The following B3GAT2 variants were observed in gnomAD, a reference collection of about 807,000 sequenced individuals.
B3GAT2 encodes beta-1,3-glucuronyltransferase 2, also known as galactosylgalactosylxylosylprotein 3-beta-glucuronosyltransferase 2.
B3GAT2 carries 26 observed loss-of-function variants against 27.8 expected under a neutral mutation model. That is an observed-to-expected ratio of 0.93 (90% CI 0.68 to 1.30). B3GAT2 has a LOEUF of 1.30. Ranked by LOEUF, B3GAT2 falls within the 50% of genes most tolerant of loss-of-function variation. The pLI, the probability that B3GAT2 is intolerant of heterozygous loss-of-function variation, is 0.00. For missense variants in B3GAT2, 458 were observed against 459.0 expected (o/e 1.00, Z 0.02); for synonymous variants, 218 against 195.1 (o/e 1.12, Z -0.98).
At chr6:70,940,923 T>G (rs1229814491) in intron 1 of B3GAT2, among the ~76,000 whole-genome samples, 1 of 152,088 alleles carries the variant, frequency 6.6e-6, no homozygotes, top group African/African-American at 2.4e-5. Flanking sequence ...CTTCCTAGCT[T>G]TCACCGTTAG....
At chr6:70,865,951 C>A (rs1187189975) in intron 2 of B3GAT2, among the ~76,000 whole-genome samples, 2 of 152,192 alleles carry the variant, frequency 1.3e-5, no homozygotes, top group Non-Finnish European at 2.9e-5. Context: ...GAAAGCTCTG[C>A]AGTCCCCTTG....
intron 1 of B3GAT2, among the ~76,000 whole-genome samples, chr6:70,945,449 G>A (rs1468667558): frequency 1.3e-5 from 2 of 151,964 alleles, no homozygotes; most frequent in Non-Finnish European, 2.9e-5. Context: ...GAGCTGATGC[G>A]ATCAACTGGA....
chr6:70,857,949 C>G lies in B3GAT2; in HGVS notation c.*3714G>C. On this transcript the variant is annotated 3_prime_UTR_variant, in exon 4 of 4. Coordinates refer to ENST00000230053, the MANE Select transcript of B3GAT2 (RefSeq NM_080742.3). Reference sequence around the variant, plus strand: ...GTATTTATGGGACCCACAAATATACCATTTACCTCACAAGCACCAGCTGCA... The same window carrying G: ...GTATTTATGGGACCCACAAATATACGATTTACCTCACAAGCACCAGCTGCA... 1 of 1,614,054 alleles carries G rather than the reference C, an allele frequency of 6.2e-7. No individual in the cohort carries two copies. The highest frequency in any genetic ancestry group is 1.1e-5 in the South Asian group (1 of 91,074).
chr6:70,869,336 TAA>T (rs1054085316), intron 2 of B3GAT2, among the ~76,000 whole-genome samples: 2 of 152,204 alleles, frequency 1.3e-5, no homozygotes, highest in African/African-American at 4.8e-5. Context: ...TGTAGTTTTA[TAA>T]GTTTTCAAAT....
chr6:70,867,566 T>A (rs959613934), intron 2 of B3GAT2, among the ~76,000 whole-genome samples: 3 of 151,968 alleles, frequency 2.0e-5, no homozygotes, highest in Non-Finnish European at 2.9e-5. Context: ...ACAACTTAGA[T>A]CAAAATAGAA....
intron 2 of B3GAT2, among the ~76,000 whole-genome samples, chr6:70,890,517 A>G (rs1386032465): frequency 1.3e-5 from 2 of 152,178 alleles, no homozygotes. Context: ...CCTGACTTGT[A>G]TTCTTTATAA....
intron 1 of B3GAT2, among the ~76,000 whole-genome samples, chr6:70,940,517 C>A (rs1488202573): frequency 2.6e-5 from 4 of 152,162 alleles, no homozygotes; most frequent in Admixed American, 2.6e-4. Flanking sequence ...TTCGTGCCCT[C>A]TCCTTTGTAA....
In B3GAT2 at chr6:70,881,368, A is replaced by G. The variant is rs113252479; in HGVS notation, c.736+12760T>C. Among the ~76,000 whole-genome samples, 1,347 of 152,272 alleles carry G rather than the reference A, an allele frequency of 8.8e-3. 21 individuals are homozygous for G. Among genetic ancestry groups the G allele is most frequent in the African/African-American group, 0.031 (1,285 of 41,548 alleles). On this transcript the variant is annotated intron_variant, in intron 2 of 3. Transcript: ENST00000230053. ...CCTCTCTTGATTCCTATACTCTTTC[A>G]GTGGGAACTCCTGTGTCTTGGTTTA...
Position 70,857,915 on chromosome 6 carries a change from G to A in B3GAT2, c.*3748C>T, listed in dbSNP as rs751164993. 6.2e-7 allele frequency: 1 copy of A among 1,611,582 alleles called. No homozygotes were observed. Among genetic ancestry groups the A allele is most frequent in the South Asian group, 1.1e-5 (1 of 90,908 alleles). ...CTGTCTTCATTCATTTTCTTTTTGTGGTGCAGGTGTATTTATGGGACCCAC... is the reference window on the plus strand; with the variant it reads ...CTGTCTTCATTCATTTTCTTTTTGTAGTGCAGGTGTATTTATGGGACCCAC... On this transcript the variant is annotated 3_prime_UTR_variant, in exon 4 of 4. Coordinates refer to ENST00000230053, the MANE Select transcript of B3GAT2 (RefSeq NM_080742.3).
At chr6:70,931,637 T>A (rs151283966) in intron 1 of B3GAT2, among the ~76,000 whole-genome samples, 38 of 152,194 alleles carry the variant, frequency 2.5e-4, no homozygotes, top group Admixed American at 5.9e-4. Context: ...AAACTGGATA[T>A]TCCCATGCAA....
chr6:70,953,392 T>C (rs1054650139), intron 1 of B3GAT2, among the ~76,000 whole-genome samples: 2 of 152,228 alleles, frequency 1.3e-5, no homozygotes, highest in African/African-American at 4.8e-5. Flanking sequence ...TAAGAATTCA[T>C]AAATTCCACT....
intron 2 of B3GAT2, among the ~76,000 whole-genome samples, chr6:70,865,059 A>C (rs1056497354): frequency 5.3e-5 from 8 of 152,240 alleles, no homozygotes; most frequent in African/African-American, 1.9e-4. Context: ...GCATCTGCAG[A>C]TCCAACTAAC....
At chr6:70,879,480 GATTCATTCATTC>G (rs140959014) in intron 2 of B3GAT2, among the ~76,000 whole-genome samples, 1 of 151,544 alleles carries the variant, frequency 6.6e-6, no homozygotes, top group Admixed American at 6.6e-5. Context: ...CTAAACTTAG[GATTCATTCATTC>G]ATTCATTCAT....
At chr6:70,952,152 A>G (rs1765588006) in intron 1 of B3GAT2, among the ~76,000 whole-genome samples, 1 of 152,124 alleles carries the variant, frequency 6.6e-6, no homozygotes, top group African/African-American at 2.4e-5. Flanking sequence ...CCTAGTACAC[A>G]AATAGCTGAA....
Position 70,899,975 on chromosome 6 carries a change from T to C in B3GAT2, c.592-5703A>G, listed in dbSNP as rs564280775. 3.3e-5 allele frequency among the ~76,000 whole-genome samples: 5 copies of C among 152,330 alleles called. No individual in the cohort carries two copies. In the East Asian group the frequency reaches 9.6e-4, roughly 29 times the overall value. On this transcript the variant is annotated intron_variant, in intron 1 of 3. Transcript: ENST00000230053. ...AACAAACACAATCTCAGGTGTCTGG[T>C]GTGAACTCCAATCTAAAACAGAGCA...
intron 2 of B3GAT2, among the ~76,000 whole-genome samples, chr6:70,874,571 G>C (rs993725707): frequency 6.6e-6 from 1 of 152,146 alleles, no homozygotes; most frequent in African/African-American, 2.4e-5. Context: ...CATCCACAAG[G>C]CCTTCCAGAA....
At position 70,859,546 on chromosome 6, in the gene B3GAT2, G is replaced by GT; in HGVS notation, c.*2116dup. On this transcript the variant is annotated 3_prime_UTR_variant, in exon 4 of 4. Coordinates refer to ENST00000230053, the MANE Select transcript of B3GAT2 (RefSeq NM_080742.3). Reference sequence around the variant, plus strand: ...TTAAGAACACAGTCTAACTCTGAGTGTAAGTTTTAAACCCACTCACTATAT... The same window carrying GT: ...TTAAGAACACAGTCTAACTCTGAGTGTTAAGTTTTAAACCCACTCACTATAT... 1.7e-6 allele frequency: 1 copy of GT among 593,716 alleles called. No homozygotes were observed. The highest frequency in any genetic ancestry group is 2.8e-6 in the Non-Finnish European group (1 of 359,202). The allele number at this position is 593,716 out of a possible 1,614,324, so 36.8% of individuals were successfully genotyped here.
In B3GAT2 at chr6:70,861,281, T is replaced by TTGTC; in HGVS notation, c.*378_*381dup. On this transcript the variant is annotated 3_prime_UTR_variant, in exon 4 of 4. Transcript: ENST00000230053. The stretch of plus-strand genomic sequence containing the variant: ...CAGGAACGTTTAGCTGACAAAATAC[T>TTGTC]TGTCTGTTTTAAAAACCTGTTCAAG... The TTGTC allele has an allele frequency of 5.4e-6, 1 of 185,640 alleles. No homozygotes were observed. The highest frequency in any genetic ancestry group is 1.1e-5 in the Non-Finnish European group (1 of 87,590). 11.5% of individuals were successfully genotyped at this position (185,640 alleles called of 1,614,324 possible). A position where few individuals can be genotyped will look rare whatever the true frequency, so the allele number is the denominator to read the frequency against.
chr6:70,894,367 G>C (rs1021688848), intron 1 of B3GAT2, 95 bp from the exon 2 acceptor site: 1 of 1,327,854 alleles, frequency 7.5e-7, no homozygotes. Flanking sequence ...GGCTGGTAGT[G>C]GTGTAAGATT....
Sources: allele counts gnomAD v4.1 joint callset (sites outside exome capture counted in the v4.1 genomes callset), GRCh38; gene constraint gnomAD v4.1.1; transcripts MANE v1.5; gene names NCBI Gene and HGNC (gene_info 2026-07-23, HGNC 2026-07-21).